Variants in INPP1 observed in about 807,000 individuals in gnomAD.
INPP1 encodes inositol polyphosphate 1-phosphatase.
In INPP1, 18 loss-of-function variants were observed where a neutral mutation model predicts 23.0. The observed-to-expected ratio is 0.78, with a 90% CI of 0.54 to 1.16. INPP1 has a LOEUF of 1.16. Among genes scored for constraint, INPP1 ranks in the 50% most tolerant of loss-of-function variants. The pLI is 0.00. For missense variants in INPP1, 448 were observed against 482.1 expected (o/e 0.93, Z 0.66); for synonymous variants, 164 against 176.3 (o/e 0.93, Z 0.55).
intron 1 of INPP1, 135 bp downstream of exon 1, chr2:190,344,096 G>C: frequency 3.8e-6 from 1 of 262,986 alleles, no homozygotes; most frequent in Non-Finnish European, 7.9e-6. Flanking sequence ...GATGGCGCCG[G>C]GAGGGTTCCT....
intron 6 of INPP1, among the ~76,000 whole-genome samples, chr2:190,369,590 T>C (rs13025079): frequency 1.3e-5 from 2 of 152,216 alleles, no homozygotes; most frequent in African/African-American, 2.4e-5. Flanking sequence ...AGTAGAGTGG[T>C]GGTAACACTG....
rs895610625 is a variant in INPP1 at position 190,352,363 on chromosome 2, C to T, written c.-65+3332C>T. Among the ~76,000 whole-genome samples the T allele has an allele frequency of 6.6e-6, 1 of 152,132 alleles. No individual in the cohort carries two copies. Among genetic ancestry groups the T allele is most frequent in the African/African-American group, 2.4e-5 (1 of 41,426 alleles). ...TAAGACCCAGGAAGTACAGGCAGTC[C>T]CAAACTGTAATATTTATTGGATCCT... On this transcript the variant is annotated intron_variant, in intron 2 of 6. Coordinates refer to ENST00000392329, the MANE Select transcript of INPP1 (RefSeq NM_001128928.2). The surrounding 1 kb of genome is among the most constrained non-coding windows in gnomAD (Gnocchi z 4.7).
At position 190,356,500 on chromosome 2, in the gene INPP1, C is replaced by T. The variant is rs1689423307; in HGVS notation, c.-64-3539C>T. On this transcript the variant is annotated intron_variant, in intron 2 of 6. Coordinates refer to ENST00000392329, the MANE Select transcript of INPP1 (RefSeq NM_001128928.2). The surrounding 1 kb of genome is among the most constrained non-coding windows in gnomAD (Gnocchi z 6.4). ...TTATTGAGGAAATAAAGGTTGGGCCCAAAGAGGACAAATTCCAGATTACTG... is the reference window on the plus strand; with the variant it reads ...TTATTGAGGAAATAAAGGTTGGGCCTAAAGAGGACAAATTCCAGATTACTG... 6.6e-6 allele frequency: 1 copy of T among 152,032 alleles called. No homozygotes were observed. Among genetic ancestry groups the T allele is most frequent in the Admixed American group, 6.6e-5 (1 of 15,256 alleles). 9.4% of individuals were successfully genotyped at this position (152,032 alleles called of 1,614,324 possible).
intron 2 of INPP1, among the ~76,000 whole-genome samples, chr2:190,357,377 A>G (rs1431841895): frequency 6.6e-6 from 1 of 152,196 alleles, no homozygotes; most frequent in African/African-American, 2.4e-5. Flanking sequence ...CCATAATTCC[A>G]TTACTCAGTT....
chr2:190,366,928 G>T, intron 5 of INPP1, 33 bp downstream of exon 5: 1 of 1,466,036 alleles, frequency 6.8e-7, no homozygotes, highest in Non-Finnish European at 9.5e-7. Context: ...GTTCTTATTT[G>T]CAATCTTTTT....
intron 2 of INPP1, among the ~76,000 whole-genome samples, chr2:190,349,542 A>G (rs561423092): frequency 2.6e-5 from 4 of 152,228 alleles, no homozygotes; most frequent in African/African-American, 7.2e-5. Flanking sequence ...CATACATCTG[A>G]CCCTTTTTTC....
At chr2:190,351,452 G>A (rs749041553) in intron 2 of INPP1, among the ~76,000 whole-genome samples, 1 of 152,208 alleles carries the variant, frequency 6.6e-6, no homozygotes, top group Non-Finnish European at 1.5e-5. Flanking sequence ...CATTACCAGA[G>A]CTGCCATCAG....
chr2:190,344,147 C>T lies in INPP1; in HGVS notation c.-209+186C>T, dbSNP rs762360398. On this transcript the variant is annotated intron_variant, in intron 1 of 6. Transcript: ENST00000392329. ...GCCTGCGAGGTCCCTGCCCCGGCAG[C>T]GAGGCCGCCCCCGGCCGGGCCCGGC... The T allele has an allele frequency of 1.1e-3, 189 of 167,584 alleles. No individual in the cohort carries two copies. The highest frequency in any genetic ancestry group is 1.9e-3 in the Non-Finnish European group (148 of 77,070). 10.4% of individuals were successfully genotyped at this position (167,584 alleles called of 1,614,324 possible).
rs1416338093 is a variant in INPP1 at position 190,352,200 on chromosome 2, G to A, written c.-65+3169G>A. Among the ~76,000 whole-genome samples the A allele has an allele frequency of 6.6e-6, 1 of 152,200 alleles. No individual in the cohort carries two copies. Among genetic ancestry groups the A allele is most frequent in the Non-Finnish European group, 1.5e-5 (1 of 68,044 alleles). On this transcript the variant is annotated intron_variant, in intron 2 of 6. Transcript: ENST00000392329. This position sits in a 1 kb window ranked among gnomAD's most constrained non-coding sequence, Gnocchi z 4.7. ...AGCAGGAAGAAGGGCGTGTCAACCA[G>A]AGGGAGCAGCATGTGCAAATTTACA...
intron 3 of INPP1, 98 bp downstream of exon 3, chr2:190,360,404 A>G: frequency 1.1e-6 from 1 of 895,208 alleles, no homozygotes; most frequent in Non-Finnish European, 1.7e-6. Flanking sequence ...CCCTATCAGT[A>G]TACTAGCACC....
intron 4 of INPP1, chr2:190,362,957 G>T: frequency 4.0e-6 from 1 of 249,640 alleles, no homozygotes; most frequent in Non-Finnish European, 7.6e-6. Context: ...CTCAAGCTTT[G>T]GGAAAATTGC....
rs1004152557 is a variant in INPP1, at chr2:190,354,001, A to C, written c.-65+4970A>C. Among the ~76,000 whole-genome samples, 1 of 152,210 alleles carries C rather than the reference A, an allele frequency of 6.6e-6. No homozygotes were observed. Among genetic ancestry groups the C allele is most frequent in the African/African-American group, 2.4e-5 (1 of 41,456 alleles). On this transcript the variant is annotated intron_variant, in intron 2 of 6. Coordinates refer to ENST00000392329, the MANE Select transcript of INPP1 (RefSeq NM_001128928.2). The surrounding 1 kb of genome is among the most constrained non-coding windows in gnomAD (Gnocchi z 4.8). ...CAAAAGCAAAAGAGACCCTAATTCT[A>C]TCTGACATTGTGACACAATTTTATG...
Position 190,348,921 on chromosome 2 carries a change from T to C in INPP1, c.-175T>C, listed in dbSNP as rs1481941667. On this transcript the variant is annotated 5_prime_UTR_variant, in exon 2 of 7. Transcript: ENST00000392329. Reference sequence around the variant, plus strand: ...AGCTTACATCATGTGGCCGAGTTTATATACCTGATTGGCAAAACAGAGCCT... The same window carrying C: ...AGCTTACATCATGTGGCCGAGTTTACATACCTGATTGGCAAAACAGAGCCT... 1.3e-5 allele frequency: 2 copies of C among 152,308 alleles called. No individual in the cohort carries two copies. Among genetic ancestry groups the C allele is most frequent in the Admixed American group, 1.3e-4 (2 of 15,306 alleles). 9.4% of individuals were successfully genotyped at this position (152,308 alleles called of 1,614,324 possible). A position where few individuals can be genotyped will look rare whatever the true frequency, so the allele number is the denominator to read the frequency against.
rs967038886 is a variant in INPP1 at position 190,367,041 on chromosome 2, G to C, written c.466+146G>C. On this transcript the variant is annotated intron_variant, in intron 5 of 6. Transcript: ENST00000392329. This position sits in a 1 kb window ranked among gnomAD's most constrained non-coding sequence, Gnocchi z 4.1. Reference sequence around the variant, plus strand: ...AAATTTTAAAGTTTTAAAACAATGAGAGTTGAGGTGTATGTGTCATGTGTT... The same window carrying C: ...AAATTTTAAAGTTTTAAAACAATGACAGTTGAGGTGTATGTGTCATGTGTT... 4 of 615,472 alleles carry C rather than the reference G, an allele frequency of 6.5e-6. No individual in the cohort carries two copies. The African/African-American group carries it at 7.4e-5, about 11-fold the overall frequency. The allele number at this position is 615,472 out of a possible 1,614,324, so 38.1% of individuals were successfully genotyped here. A position where few individuals can be genotyped will look rare whatever the true frequency, so the allele number is the denominator to read the frequency against.
In INPP1 at chr2:190,368,955, TA is replaced by T. The variant is rs1394309936; in HGVS notation, c.467-147del. On this transcript the variant is annotated intron_variant, in intron 5 of 6. Transcript: ENST00000392329. The surrounding 1 kb of genome is among the most constrained non-coding windows in gnomAD (Gnocchi z 4.3). Reference sequence around the variant, plus strand: ...AAACACAAGCAATTTAAAAGTAAAGTACAAGAGGCCAAATAACAATTCAATA... The same window carrying T: ...AAACACAAGCAATTTAAAAGTAAAGTCAAGAGGCCAAATAACAATTCAATA... The T allele has an allele frequency of 2.2e-6, 1 of 457,748 alleles. No individual in the cohort carries two copies. Among genetic ancestry groups the T allele is most frequent in the Non-Finnish European group, 3.8e-6 (1 of 260,332 alleles). The allele number at this position is 457,748 out of a possible 1,614,324, so 28.4% of individuals were successfully genotyped here. A position where few individuals can be genotyped will look rare whatever the true frequency, so the allele number is the denominator to read the frequency against.
At chr2:190,344,922 G>A (rs73981065) in intron 1 of INPP1, among the ~76,000 whole-genome samples, 3,662 of 152,284 alleles carry the variant, frequency 0.024, 137 homozygotes, top group African/African-American at 0.082. Context: ...TTTGAAGCCA[G>A]AAAAGTTGAT....
chr2:190,348,005 G>C (rs1689253212), intron 1 of INPP1, among the ~76,000 whole-genome samples: 3 of 152,230 alleles, frequency 2.0e-5, no homozygotes, highest in African/African-American at 4.8e-5. Flanking sequence ...AGGTGTGGTA[G>C]CGCGTGCCTG....
At chr2:190,362,237 C>T (rs532679642) in intron 3 of INPP1, among the ~76,000 whole-genome samples, 73 of 152,260 alleles carry the variant, frequency 4.8e-4, no homozygotes, top group Non-Finnish European at 7.4e-4. Flanking sequence ...ACTTGATCAA[C>T]GAAATTGCCT....
chr2:190,350,437 T>C (rs561918864), intron 2 of INPP1, among the ~76,000 whole-genome samples: 2 of 152,212 alleles, frequency 1.3e-5, no homozygotes, highest in Non-Finnish European at 2.9e-5. Flanking sequence ...CATTCCCCTT[T>C]CTAAAAGTCT....
Sources: allele counts gnomAD v4.1 joint callset (sites outside exome capture counted in the v4.1 genomes callset), GRCh38; gene constraint gnomAD v4.1.1; non-coding constraint Gnocchi (gnomAD v3.1); transcripts MANE v1.5; gene names NCBI Gene and HGNC (gene_info 2026-07-23, HGNC 2026-07-21).